Variants in MAPK10 observed in about 807,000 individuals in gnomAD.
The protein encoded by MAPK10 is mitogen-activated protein kinase 10, also known as JNK3 alpha protein kinase.
MAPK10 carries 25 observed loss-of-function variants against 59.3 expected under a neutral mutation model. The observed-to-expected ratio is 0.42, with a 90% CI of 0.31 to 0.59. The LOEUF (loss-of-function observed/expected upper bound fraction) is 0.59. Among genes scored for constraint, MAPK10 ranks in the 20% least tolerant of loss-of-function variants. The probability of loss-of-function intolerance (pLI) is 0.15; values close to 1 mark genes in which losing one functional copy is unlikely to be tolerated. For synonymous variants in MAPK10, 190 were observed against 200.5 expected (o/e 0.95, Z 0.44); for missense variants, 351 against 568.9 (o/e 0.62, Z 3.90).
chr4:86,242,942 G>A (rs548190719), intron 2 of MAPK10, among the ~76,000 whole-genome samples: 27 of 152,304 alleles, frequency 1.8e-4, no homozygotes, highest in East Asian at 5.8e-4. Context: ...GCTAGGCCCC[G>A]GTGGCATGGG....
chr4:86,455,967 C>A (rs979716665), upstream of MAPK10, among the ~76,000 whole-genome samples: 1 of 152,088 alleles, frequency 6.6e-6, no homozygotes, highest in Non-Finnish European at 1.5e-5. Flanking sequence ...TCTCTCAGAC[C>A]AGAGTGGAAT....
At chr4:86,465,723 C>T (rs1752139580) in intron 1 of MAPK10, among the ~76,000 whole-genome samples, 1 of 152,180 alleles carries the variant, frequency 6.6e-6, no homozygotes, top group Admixed American at 6.5e-5. Flanking sequence ...ATCATCAGGA[C>T]ACCTGAAACC....
chr4:86,098,588 T>C lies in MAPK10; in HGVS notation c.738A>G (p.Ile246Met). 3.7e-6 allele frequency: 6 copies of C among 1,611,138 alleles called. No individual in the cohort carries two copies. Among genetic ancestry groups the C allele is most frequent in the Non-Finnish European group, 5.1e-6 (6 of 1,177,444 alleles). Residue 246 changes from isoleucine (I) to methionine (M), a missense_variant, in exon 9 of 14, where the codon ATA becomes ATG. Physicochemically the swap from Ile to Met is conservative, Grantham distance 10 (BLOSUM62 1). This residue lies in a region of MAPK10 where 76 missense variants were observed against 197.9 expected (regional missense o/e 0.38). Coordinates refer to ENST00000641462, the MANE Select transcript of MAPK10 (RefSeq NM_138982.4). ...LGMGYKENVDIWSVGCIMGEM... is the reference protein window; with the variant it reads ...LGMGYKENVDMWSVGCIMGEM... ...CTCCCATAATGCATCCCACAGACCA[T>C]ATATCCACTAGAACAGGAGAGAGAG...
intron 9 of MAPK10, among the ~76,000 whole-genome samples, chr4:86,068,479 T>C (rs1012120363): frequency 2.0e-5 from 3 of 152,254 alleles, no homozygotes; most frequent in African/African-American, 7.2e-5. Context: ...TTTTTATGCA[T>C]ATCAACATAA....
intron 1 of MAPK10, among the ~76,000 whole-genome samples, chr4:86,369,536 A>G (rs538782931): frequency 4.5e-4 from 69 of 152,290 alleles, no homozygotes; most frequent in Non-Finnish European, 7.8e-4. Context: ...TTTAAGCCAA[A>G]TACTTATCAG....
At chr4:86,074,953 T>G (rs1411454697) in intron 9 of MAPK10, among the ~76,000 whole-genome samples, 3 of 142,852 alleles carry the variant, frequency 2.1e-5, no homozygotes. Context: ...CTTGCTAGAT[T>G]GGGGAAGTTC....
At chr4:86,136,612 A>G (rs2062185370) in intron 4 of MAPK10, among the ~76,000 whole-genome samples, 1 of 151,030 alleles carries the variant, frequency 6.6e-6, no homozygotes, top group African/African-American at 2.5e-5. Context: ...GAGACTAGGA[A>G]GAAACTGCAT....
chr4:86,466,899 CAG>C (rs1163931786), intron 1 of MAPK10, among the ~76,000 whole-genome samples: 2 of 152,176 alleles, frequency 1.3e-5, no homozygotes, highest in Non-Finnish European at 2.9e-5. Flanking sequence ...GATATTGAAA[CAG>C]AAGCTTTAAA....
At chr4:86,125,669 T>C (rs903339900) in intron 4 of MAPK10, 1 of 152,114 alleles carries the variant, frequency 6.6e-6, no homozygotes, top group African/African-American at 2.4e-5. Flanking sequence ...ATTTAAAGTA[T>C]TATTTATGTT....
Position 86,415,154 on chromosome 4 carries a change from A to C in MAPK10, c.-122+37876T>G, listed in dbSNP as rs567382347. On this transcript the variant is annotated intron_variant, in intron 1 of 13. Coordinates refer to the MAPK10 transcript ENST00000361569. The stretch of plus-strand genomic sequence containing the variant: ...ATTCTGTCAAAAAAAAAAAAAAAAA[A>C]AACTTCCATTACGGCATTTTATCTG... 4.1e-3 allele frequency among the ~76,000 whole-genome samples: 608 copies of C among 146,876 alleles called. 7 individuals carry two copies. The highest frequency in any genetic ancestry group is 0.014 in the African/African-American group (581 of 40,258).
chr4:86,343,044 G>A (rs1725959123), intron 2 of MAPK10, among the ~76,000 whole-genome samples: 1 of 152,078 alleles, frequency 6.6e-6, no homozygotes, highest in Non-Finnish European at 1.5e-5. Flanking sequence ...CTGATGCCAT[G>A]TCCCCTATGC....
intron 2 of MAPK10, among the ~76,000 whole-genome samples, chr4:86,289,263 A>T (rs1427407320): frequency 1.3e-5 from 2 of 152,182 alleles, no homozygotes; most frequent in African/African-American, 4.8e-5. Flanking sequence ...GAGGCAGAAA[A>T]GGTAGCCAGG....
chr4:86,180,297 G>A (rs183041161), intron 3 of MAPK10, among the ~76,000 whole-genome samples: 7 of 151,744 alleles, frequency 4.6e-5, no homozygotes, highest in South Asian at 2.1e-4. Context: ...ATTCTACCCC[G>A]GTTAGAATGA....
intron 9 of MAPK10, among the ~76,000 whole-genome samples, chr4:86,087,903 T>C (rs1199922250): frequency 6.6e-6 from 1 of 152,064 alleles, no homozygotes; most frequent in African/African-American, 2.4e-5. Flanking sequence ...ACAACGCAAA[T>C]GGCTAATCAT....
At chr4:86,065,987 T>C (rs1030842470) in intron 10 of MAPK10, among the ~76,000 whole-genome samples, 1 of 152,172 alleles carries the variant, frequency 6.6e-6, no homozygotes, top group African/African-American at 2.4e-5. Flanking sequence ...CTAGAGGCAA[T>C]GACTGTGATT....
chr4:86,202,847 T>C (rs377237538), intron 2 of MAPK10, among the ~76,000 whole-genome samples: 75 of 152,100 alleles, frequency 4.9e-4, no homozygotes, highest in Middle Eastern at 3.4e-3. Flanking sequence ...TGTAACACCA[T>C]AGCTAAAAAT....
At chr4:86,120,773 T>C (rs1421598047) in intron 4 of MAPK10, among the ~76,000 whole-genome samples, 1 of 152,116 alleles carries the variant, frequency 6.6e-6, no homozygotes, top group Non-Finnish European at 1.5e-5. Flanking sequence ...TGCCAATTGA[T>C]AGGGTAAGCT....
intron 2 of MAPK10, among the ~76,000 whole-genome samples, chr4:86,333,072 A>G (rs1169141054): frequency 6.6e-6 from 1 of 152,166 alleles, no homozygotes; most frequent in Non-Finnish European, 1.5e-5. Flanking sequence ...CTGCCTTCCA[A>G]GTAGCTGAGA....
intron 9 of MAPK10, among the ~76,000 whole-genome samples, chr4:86,073,262 T>C (rs1340281088): frequency 4.1e-5 from 6 of 146,580 alleles, no homozygotes; most frequent in African/African-American, 1.2e-4. Flanking sequence ...TTTTTTATTG[T>C]GTCTATTTGG....
Sources: allele counts gnomAD v4.1 joint callset (sites outside exome capture counted in the v4.1 genomes callset), GRCh38; gene constraint gnomAD v4.1.1; regional missense constraint gnomAD v4.1.1; transcripts MANE v1.5; gene names NCBI Gene and HGNC (gene_info 2026-07-23, HGNC 2026-07-21).